SPIRE1: variants seen among roughly 807,000 people sequenced by gnomAD.
The protein encoded by SPIRE1 is protein spire homolog 1.
SPIRE1 carries 40 observed loss-of-function variants against 94.1 expected under a neutral mutation model. That is an observed-to-expected ratio of 0.43 (90% CI 0.33 to 0.55). SPIRE1 has a LOEUF of 0.55. Among genes scored for constraint, SPIRE1 ranks in the 20% least tolerant of loss-of-function variants. The probability of loss-of-function intolerance (pLI) is 0.06; values close to 1 mark genes in which losing one functional copy is unlikely to be tolerated. For synonymous variants in SPIRE1, 376 were observed against 371.7 expected (o/e 1.01, Z -0.13); for missense variants, 838 against 975.2 (o/e 0.86, Z 1.87).
At chr18:12,458,372 G>A (rs1301581355) in intron 12 of SPIRE1, among the ~76,000 whole-genome samples, 2 of 151,686 alleles carry the variant, frequency 1.3e-5, no homozygotes, top group Admixed American at 1.3e-4. Flanking sequence ...AGCACTTTGG[G>A]AGGCCGAGGT....
intron 2 of SPIRE1, among the ~76,000 whole-genome samples, chr18:12,575,507 C>T (rs1445338124): frequency 6.6e-6 from 1 of 152,024 alleles, no homozygotes; most frequent in African/African-American, 2.4e-5. Context: ...CTACCAGGCC[C>T]AGCTAATTTT....
intron 1 of SPIRE1, among the ~76,000 whole-genome samples, chr18:12,640,572 A>G: frequency 6.6e-6 from 1 of 152,226 alleles, no homozygotes. Context: ...AAGTAATCAA[A>G]CAAAACAGAA....
At chr18:12,610,252 T>C (rs1270663173) in intron 2 of SPIRE1, among the ~76,000 whole-genome samples, 3 of 152,146 alleles carry the variant, frequency 2.0e-5, no homozygotes, top group Non-Finnish European at 2.9e-5. Flanking sequence ...TCCAATATTG[T>C]GGCCTCTCCT....
intron 8 of SPIRE1, among the ~76,000 whole-genome samples, chr18:12,488,429 C>T (rs897870289): frequency 2.0e-5 from 3 of 152,080 alleles, no homozygotes; most frequent in African/African-American, 7.2e-5. Context: ...GCAGTAGCTT[C>T]GGAAGTACAG....
At chr18:12,459,679 G>T in intron 12 of SPIRE1, 1 of 870,644 alleles carries the variant, frequency 1.1e-6, no homozygotes, top group Non-Finnish European at 1.4e-6. Context: ...AATTCTCAGA[G>T]AACGCAACAG....
At chr18:12,528,342 G>A (rs1000763107) in intron 4 of SPIRE1, among the ~76,000 whole-genome samples, 66 of 152,224 alleles carry the variant, frequency 4.3e-4, no homozygotes, top group Non-Finnish European at 2.2e-4. Context: ...GTGACAGAAA[G>A]ATGCCAGAGT....
chr18:12,533,975 TTTA>T (rs1598443247), intron 4 of SPIRE1, among the ~76,000 whole-genome samples: 1 of 142,092 alleles, frequency 7.0e-6, no homozygotes, highest in East Asian at 2.0e-4. Flanking sequence ...ACACAACTTA[TTTA>T]TTCTTCACAG....
At chr18:12,597,360 C>T (rs1245548877) in intron 2 of SPIRE1, among the ~76,000 whole-genome samples, 1 of 152,118 alleles carries the variant, frequency 6.6e-6, no homozygotes, top group African/African-American at 2.4e-5. Context: ...CTCCAGAGCA[C>T]ACACACAGGG....
chr18:12,503,958 G>C (rs1402150181), intron 6 of SPIRE1, among the ~76,000 whole-genome samples: 1 of 146,838 alleles, frequency 6.8e-6, no homozygotes, highest in African/African-American at 2.6e-5. Flanking sequence ...CAGTATTTCT[G>C]AGGGCAACTA....
intron 2 of SPIRE1, among the ~76,000 whole-genome samples, chr18:12,564,132 T>C (rs1196901379): frequency 6.6e-6 from 1 of 152,068 alleles, no homozygotes; most frequent in Non-Finnish European, 1.5e-5. Flanking sequence ...AAAAATAAAC[T>C]AGCAAAACAT....
In SPIRE1 at chr18:12,464,935, G is replaced by A; in HGVS notation, c.1428C>T (p.Thr476=). 6.2e-7 allele frequency: 1 copy of A among 1,614,008 alleles called. No homozygotes were observed. Among genetic ancestry groups the A allele is most frequent in the East Asian group, 2.2e-5 (1 of 44,870 alleles). ...AAGAGGGAGACACGCTGCTGCTGCTGGTCGACTTGTGCAGCGTTTCTTCCT... is the reference window on the plus strand; with the variant it reads ...AAGAGGGAGACACGCTGCTGCTGCTAGTCGACTTGTGCAGCGTTTCTTCCT... The part of the protein sequence containing the change: ...ESEEETLHKS[T]SSSSVSPSFP... Residue 476 remains threonine (T), a synonymous_variant, in exon 11 of 17, where the codon ACC becomes ACT. Coordinates refer to ENST00000409402, the MANE Select transcript of SPIRE1 (RefSeq NM_001128626.2).
At chr18:12,654,977 A>C (rs9967437) in intron 1 of SPIRE1, among the ~76,000 whole-genome samples, 3 of 151,246 alleles carry the variant, frequency 2.0e-5, no homozygotes, top group South Asian at 4.2e-4. Context: ...GCAGTGAGCC[A>C]AGACTGTTCT....
At chr18:12,537,396 C>G (rs1309776075) in intron 3 of SPIRE1, among the ~76,000 whole-genome samples, 1 of 152,190 alleles carries the variant, frequency 6.6e-6, no homozygotes, top group Non-Finnish European at 1.5e-5. Context: ...CAACTGCTAT[C>G]CACAGTAAGA....
chr18:12,648,024 A>T (rs982788192), intron 1 of SPIRE1, among the ~76,000 whole-genome samples: 43 of 152,320 alleles, frequency 2.8e-4, no homozygotes, highest in African/African-American at 1.0e-3. Flanking sequence ...AGCGGGAACA[A>T]TCTGAGCAAC....
At chr18:12,599,089 T>C (rs7244777) in intron 2 of SPIRE1, among the ~76,000 whole-genome samples, 28 of 152,184 alleles carry the variant, frequency 1.8e-4, no homozygotes, top group African/African-American at 6.5e-4. Flanking sequence ...TCTCCAAATA[T>C]CTACAAATAA....
intron 1 of SPIRE1, among the ~76,000 whole-genome samples, 186 bp from the exon 2 acceptor site, chr18:12,635,282 C>T (rs2144819507): frequency 6.6e-6 from 1 of 151,442 alleles, no homozygotes; most frequent in East Asian, 1.9e-4. Context: ...TAAATAGGCC[C>T]ATTAAAAAAT....
rs368399127 is a variant in SPIRE1, at chr18:12,463,395, C to T, written c.1594G>A (p.Val532Met). The change falls in exon 12 of 17, where the codon GTG becomes ATG. Residue 532 changes from valine (V) to methionine (M), a missense_variant. By Grantham distance (21) the Val-to-Met change is conservative. This residue lies in a region of SPIRE1 where 645 missense variants were observed against 804.7 expected (regional missense o/e 0.80). Transcript: ENST00000409402. Reference protein sequence around the residue: ...HSIEKETPTNVRQFLPPSRQS... With the variant: ...HSIEKETPTNMRQFLPPSRQS... ...CTGGAAGGCGGCAGGAACTGCCTCA[C>T]GTTAGTAGGCGTTTCCTTTTCAATG... The T allele has an allele frequency of 1.4e-5, 23 of 1,613,804 alleles. No individual in the cohort carries two copies. Among genetic ancestry groups the T allele is most frequent in the African/African-American group, 1.1e-4 (8 of 74,924 alleles).
At position 12,479,860 on chromosome 18, in the gene SPIRE1, G is replaced by T; in HGVS notation, c.1243C>A (p.Pro415Thr). Residue 415 changes from proline to threonine, a missense_variant, in exon 10 of 17, where the codon CCT becomes ACT. This residue lies in a region of SPIRE1 where 645 missense variants were observed against 804.7 expected (regional missense o/e 0.80). Transcript: ENST00000409402. ...YSFDLSDVTT[P>T]ESTKNLVESS... ...TCCACAAGATTCTTTGTAGATTCAG[G>T]GGTAGTCACATCTGGTAAAAAAGCA... 1.2e-6 allele frequency: 2 copies of T among 1,612,758 alleles called. No homozygotes were observed. Among genetic ancestry groups the T allele is most frequent in the Non-Finnish European group, 1.7e-6 (2 of 1,179,684 alleles).
intron 12 of SPIRE1, among the ~76,000 whole-genome samples, chr18:12,455,498 G>C (rs1448095427): frequency 1.3e-5 from 2 of 152,164 alleles, no homozygotes; most frequent in Non-Finnish European, 2.9e-5. Context: ...GGAAAGACTA[G>C]AGAAATGTAA....
Sources: gnomAD v4.1 joint callset for allele counts (sites outside exome capture counted in the v4.1 genomes callset) on GRCh38, gnomAD v4.1.1 for gene constraint, gnomAD v4.1.1 regional missense constraint, MANE v1.5 for transcripts, NCBI Gene and HGNC (gene_info 2026-07-23, HGNC 2026-07-21) for gene names.